SART3: variants seen among roughly 807,000 people sequenced by gnomAD.
SART3 encodes the protein HIV-1 Tat-interacting protein of 110kDa.
In SART3, 44 loss-of-function variants were observed where a neutral mutation model predicts 122.3. That is an observed-to-expected ratio of 0.36 (90% CI 0.28 to 0.46). The LOEUF is 0.46. Among genes scored for constraint, SART3 ranks in the 20% least tolerant of loss-of-function variants. The probability of loss-of-function intolerance (pLI) is 1.00; values close to 1 mark genes in which losing one functional copy is unlikely to be tolerated. For missense variants in SART3, 1,101 were observed against 1,229.0 expected, an observed-to-expected ratio of 0.90 and a Z score of 1.56; for synonymous variants, 442 against 454.0, an observed-to-expected ratio of 0.97 and a Z score of 0.34.
In SART3 at chr12:108,523,585, G is replaced by A. The variant is rs778318799; in HGVS notation, c.2764C>T (p.Arg922Cys). The A allele has an allele frequency of 1.1e-5, 18 of 1,614,116 alleles. No individual in the cohort carries two copies. The highest frequency in any genetic ancestry group is 1.1e-4 in the South Asian group (10 of 91,082). Residue 922 changes from arginine (R) to cysteine (C), a missense_variant, in exon 19 of 19, where the codon CGC (arginine) becomes TGC (cysteine). Transcript: ENST00000546815. ...GCCTGAGGAGCTGCAGCACTTGGGC[G>A]CTGCAGGGCACGAGGCAGTAGAGAC... Reference protein sequence around the residue: ...QLSLLPRALQRPSAAAPQAEN... With the variant: ...QLSLLPRALQCPSAAAPQAEN...
In SART3 at chr12:108,538,239, TTTA is replaced by T. The variant is rs1189763098; in HGVS notation, c.1063-39_1063-37del. On this transcript the variant is annotated intron_variant, in intron 7 of 18. Coordinates refer to ENST00000546815, the MANE Select transcript of SART3 (RefSeq NM_014706.4). ...GAATTCCAGAGTTAGGAAATTACAC[TTTA>T]TTAAGCATTCACCATCAACAAGACA... 1.9e-6 allele frequency: 3 copies of T among 1,611,796 alleles called. No individual in the cohort carries two copies. In the East Asian group the frequency reaches 6.7e-5, roughly 36 times the overall value.
intron 9 of SART3, chr12:108,537,085 G>A: frequency 4.3e-6 from 2 of 466,866 alleles, no homozygotes; most frequent in South Asian, 2.1e-5. Context: ...TGTATGAGGT[G>A]ACAGCTGACA....
At chr12:108,525,782 A>G in intron 16 of SART3, 173 bp from the exon 17 acceptor site, 1 of 691,462 alleles carries the variant, frequency 1.4e-6, no homozygotes, top group Non-Finnish European at 2.6e-6. Context: ...TAACCTCTCC[A>G]GGCCTCCATG....
chr12:108,540,708 G>C (rs1355893564), intron 6 of SART3, among the ~76,000 whole-genome samples: 1 of 146,878 alleles, frequency 6.8e-6, no homozygotes, highest in Non-Finnish European at 1.5e-5. Flanking sequence ...CCCTATCCAA[G>C]AGCAAAACAT....
chr12:108,523,597 G>A lies in SART3; in HGVS notation c.2752C>T (p.Arg918Cys), dbSNP rs984148259. Residue 918 changes from arginine to cysteine, a missense_variant, in exon 19 of 19, where the codon CGT (arginine) becomes TGT (cysteine). Coordinates refer to ENST00000546815, the MANE Select transcript of SART3 (RefSeq NM_014706.4). Reference sequence around the variant, plus strand: ...GCAGCACTTGGGCGCTGCAGGGCACGAGGCAGTAGAGACAGCTGCGTCCTT... The same window carrying A: ...GCAGCACTTGGGCGCTGCAGGGCACAAGGCAGTAGAGACAGCTGCGTCCTT... ...KGRTQLSLLPRALQRPSAAAP... is the reference protein window; with the variant it reads ...KGRTQLSLLPCALQRPSAAAP... 13 of 1,614,168 alleles carry A rather than the reference G, an allele frequency of 8.1e-6. No homozygotes were observed. The highest frequency in any genetic ancestry group is 1.0e-5 in the Non-Finnish European group (12 of 1,180,020).
At position 108,552,472 on chromosome 12, in the gene SART3, T is replaced by TA. The variant is rs35456344; in HGVS notation, c.313-3259dup. Among the ~76,000 whole-genome samples, 214 of 133,468 alleles carry TA rather than the reference T, an allele frequency of 1.6e-3. 2 individuals carry two copies. The highest frequency in any genetic ancestry group is 6.4e-3 in the Admixed American group (87 of 13,616). The allele number at this position is 133,468 out of a possible 152,430, so 87.6% of individuals were successfully genotyped here. A position where few individuals can be genotyped will look rare whatever the true frequency, so the allele number is the denominator to read the frequency against. On this transcript the variant is annotated intron_variant, in intron 1 of 18. Coordinates refer to ENST00000546815, the MANE Select transcript of SART3 (RefSeq NM_014706.4). Reference sequence around the variant, plus strand: ...AAGTAGACAATCTTAAGGAACCAATTAAAAAAAAAAAAAACTCCAAAAATA... The same window carrying TA: ...AAGTAGACAATCTTAAGGAACCAATTAAAAAAAAAAAAAAACTCCAAAAATA...
rs765742506 is a variant in SART3, at chr12:108,522,332, G to A, written c.*1125C>T. Among the ~76,000 whole-genome samples, 27 of 152,162 alleles carry A rather than the reference G, an allele frequency of 1.8e-4. No individual in the cohort carries two copies. Among genetic ancestry groups the A allele is most frequent in the Non-Finnish European group, 3.7e-4 (25 of 68,016 alleles). On this transcript the variant is annotated 3_prime_UTR_variant, in exon 19 of 19. Coordinates refer to ENST00000546815, the MANE Select transcript of SART3 (RefSeq NM_014706.4). ...CTGATGCACAAAAACTTAAACTTAC[G>A]CAACAGATAAATGAGGAGTTGATTC...
In SART3 at chr12:108,531,218, C is replaced by A; in HGVS notation, c.1732G>T (p.Glu578Ter). The change falls in exon 14 of 19, where the codon GAG (glutamate) becomes TAG (stop). Residue 578 changes from glutamate to a stop codon, truncating the protein, a stop_gained. Coordinates refer to ENST00000546815, the MANE Select transcript of SART3 (RefSeq NM_014706.4). LOFTEE classifies it high-confidence loss of function. ...KTETRLARVNEQRMKAAEKEA... is the reference protein window; with the variant it reads ...KTETRLARVN ...ATTGTCATTACCTTCATTCTCTGCT[C>A]ATTGACACGAGCTAATCGGGTTTCA... 6.2e-7 allele frequency: 1 copy of A among 1,614,026 alleles called. No individual in the cohort carries two copies. Among genetic ancestry groups the A allele is most frequent in the South Asian group, 1.1e-5 (1 of 91,066 alleles).
At position 108,549,116 on chromosome 12, in the gene SART3, C is replaced by G; in HGVS notation, c.411G>C (p.Lys137Asn). Reference sequence around the variant, plus strand: ...CAGTCAAGGGAAAGATTTCACTCATCTTCTGGCGGGCCATCCTCACCTTGG... The same window carrying G: ...CAGTCAAGGGAAAGATTTCACTCATGTTCTGGCGGGCCATCCTCACCTTGG... The part of the protein sequence containing the change: ...ELTKVRMARQ[K>N]MSEIFPLTEE... Residue 137 changes from lysine to asparagine, a missense_variant, in exon 2 of 19, where the codon AAG becomes AAC. Coordinates refer to ENST00000546815, the MANE Select transcript of SART3 (RefSeq NM_014706.4). The G allele has an allele frequency of 6.2e-7, 1 of 1,614,200 alleles. No homozygotes were observed.
At chr12:108,545,113 G>A (rs750392425) in intron 4 of SART3, 26 bp downstream of exon 4, 39 of 1,610,962 alleles carry the variant, frequency 2.4e-5, no homozygotes, top group South Asian at 4.4e-5. Flanking sequence ...GCCCCAACCC[G>A]TTCAGAGACA....
At chr12:108,525,998 G>A (rs145166555) in intron 16 of SART3, 101 bp downstream of exon 16, 231 of 1,025,134 alleles carry the variant, frequency 2.3e-4, no homozygotes, top group African/African-American at 1.8e-3. Context: ...CAAACAGAGC[G>A]TAAAACTTCC....
chr12:108,538,151 A>T lies in SART3; in HGVS notation c.1115T>A (p.Ile372Asn). The T allele has an allele frequency of 6.2e-7, 1 of 1,614,240 alleles. No homozygotes were observed. Among genetic ancestry groups the T allele is most frequent in the Non-Finnish European group, 8.5e-7 (1 of 1,180,024 alleles). ...DLVLSVHNRA[I>N]RNCPWTVALW... is the part of the protein sequence containing the mutation. Reference sequence around the variant, plus strand: ...GGCAACTGTCCAGGGGCAGTTTCTAATAGCGCGGTTATGTACAGATAAAAC... The same window carrying T: ...GGCAACTGTCCAGGGGCAGTTTCTATTAGCGCGGTTATGTACAGATAAAAC... Residue 372 changes from isoleucine to asparagine, a missense_variant, in exon 8 of 19, where the codon ATT becomes AAT. Physicochemically the swap from Ile to Asn is moderately radical, Grantham distance 149. This residue lies in a region of SART3 where 885 missense variants were observed against 1,080.1 expected (regional missense o/e 0.82). Transcript: ENST00000546815.
intron 1 of SART3, among the ~76,000 whole-genome samples, chr12:108,554,529 T>C (rs2030136757): frequency 6.6e-6 from 1 of 151,988 alleles, no homozygotes; most frequent in African/African-American, 2.4e-5. Context: ...GAAATAGCAT[T>C]TGATTAAAAC....
chr12:108,529,806 TAA>T (rs138607862), intron 15 of SART3, among the ~76,000 whole-genome samples: 1 of 143,148 alleles, frequency 7.0e-6, no homozygotes. Flanking sequence ...GTCATCAGAG[TAA>T]AAAAAAAAAG....
At chr12:108,556,929 C>A (rs981758297) in intron 1 of SART3, among the ~76,000 whole-genome samples, 3 of 152,112 alleles carry the variant, frequency 2.0e-5, no homozygotes, top group Non-Finnish European at 4.4e-5. Flanking sequence ...TGCAAGTGCC[C>A]CTCACATGAA....
At chr12:108,544,338 G>T in intron 5 of SART3, 89 bp downstream of exon 5, 1 of 1,123,492 alleles carries the variant, frequency 8.9e-7, no homozygotes, top group Non-Finnish European at 1.4e-6. Context: ...TGCCTCACAG[G>T]ATGGTGGGAA....
chr12:108,541,496 A>C lies in SART3; in HGVS notation c.906+1532T>G, dbSNP rs2136679925. Among the ~76,000 whole-genome samples, 2 of 152,300 alleles carry C rather than the reference A, an allele frequency of 1.3e-5. 1 individual carries two copies. The highest frequency in any genetic ancestry group is 4.1e-4 in the South Asian group (2 of 4,830). ...AAGACTTAAGACAAAGCACTCCCAC[A>C]AATCAATTAGAAAAAAGATACATCA... is the stretch of plus-strand genomic sequence containing the variant. On this transcript the variant is annotated intron_variant, in intron 6 of 18. Transcript: ENST00000546815.
Position 108,561,146 on chromosome 12 carries a change from A to G in SART3, c.9T>C (p.Thr3=). 2 of 1,613,062 alleles carry G rather than the reference A, an allele frequency of 1.2e-6. No homozygotes were observed. The highest frequency in any genetic ancestry group is 1.7e-6 in the Non-Finnish European group (2 of 1,179,088). Residue 3 remains threonine, a synonymous_variant, in exon 1 of 19, where the codon ACT becomes ACC. Transcript: ENST00000546815. MA[T]AAETSASEPE... is the part of the protein sequence containing the mutation. ...GTTCTGAAGCCGAGGTTTCGGCCGC[A>G]GTCGCCATCTTGCGCTTCTAATGAC...
chr12:108,558,058 AC>A (rs1378284948), intron 1 of SART3, among the ~76,000 whole-genome samples: 1 of 152,072 alleles, frequency 6.6e-6, no homozygotes, highest in Non-Finnish European at 1.5e-5. Context: ...AGTCCGAGAT[AC>A]TTTGGAGGAT....
Sources: gnomAD v4.1 joint callset for allele counts (sites outside exome capture counted in the v4.1 genomes callset) on GRCh38, gnomAD v4.1.1 for gene constraint, gnomAD v4.1.1 regional missense constraint, MANE v1.5 for transcripts, NCBI Gene and HGNC (gene_info 2026-07-23, HGNC 2026-07-21) for gene names.